The following RAI14 variants were observed in gnomAD, a reference collection of about 807,000 sequenced individuals.
RAI14 encodes the protein retinoic acid induced 14.
Under a neutral mutation model 115.4 loss-of-function variants are expected in RAI14, and 45 were observed. That is an observed-to-expected ratio of 0.39 (90% CI 0.31 to 0.50). The LOEUF (loss-of-function observed/expected upper bound fraction) is 0.50. Ranked by LOEUF, RAI14 falls within the 20% of genes least tolerant of loss-of-function variation. The probability of loss-of-function intolerance (pLI) is 0.85; values close to 1 mark genes in which losing one functional copy is unlikely to be tolerated. For missense variants in RAI14, 939 were observed against 1,131.2 expected (o/e 0.83, Z 2.44); for synonymous variants, 371 against 415.4 (o/e 0.89, Z 1.30).
At chr5:34,829,154 GACAC>G (rs1757762488) in intron 16 of RAI14, among the ~76,000 whole-genome samples, 2 of 135,490 alleles carry the variant, frequency 1.5e-5, no homozygotes, top group South Asian at 4.8e-4. Flanking sequence ...CACATATATA[GACAC>G]ACATACACAC....
Position 34,787,903 on chromosome 5 carries a change from T to TGA in RAI14, c.168-8036_168-8035insGA, listed in dbSNP as rs1479445796. Among the ~76,000 whole-genome samples the TGA allele has an allele frequency of 2.6e-5, 2 of 75,738 alleles. 1 individual carries two copies. The highest frequency in any genetic ancestry group is 1.2e-4 in the African/African-American group (2 of 16,140). 49.7% of individuals were successfully genotyped at this position (75,738 alleles called of 152,430 possible). A position where few individuals can be genotyped will look rare whatever the true frequency, so the allele number is the denominator to read the frequency against. ...ACCTGGATACTACTGATTTTTTTTT[T>TGA]TTTTTTTTTTTTTTTTTTTTTTTTT... On this transcript the variant is annotated intron_variant, in intron 3 of 17. Coordinates refer to ENST00000265109, the MANE Select transcript of RAI14 (RefSeq NM_015577.3).
At chr5:34,778,974 G>C (rs1751260685) in intron 3 of RAI14, among the ~76,000 whole-genome samples, 1 of 151,876 alleles carries the variant, frequency 6.6e-6, no homozygotes, top group African/African-American at 2.4e-5. Flanking sequence ...AAAATCCTCA[G>C]TAAAATACTG....
At chr5:34,780,894 T>G (rs1412058640) in intron 3 of RAI14, among the ~76,000 whole-genome samples, 5 of 152,128 alleles carry the variant, frequency 3.3e-5, no homozygotes, top group Non-Finnish European at 7.3e-5. Context: ...GAATATAAAT[T>G]ATGCTGCTAT....
At position 34,669,059 on chromosome 5, in the gene RAI14, G is replaced by A. The variant is rs548356132; in HGVS notation, c.-49+12584G>A. 2.0e-4 allele frequency among the ~76,000 whole-genome samples: 31 copies of A among 152,286 alleles called. No individual in the cohort carries two copies. In the South Asian group the frequency reaches 4.8e-3, roughly 23 times the overall value. On this transcript the variant is annotated intron_variant, in intron 1 of 17. Coordinates refer to ENST00000265109, the MANE Select transcript of RAI14 (RefSeq NM_015577.3). ...TTCAGTAGAGACGGGGTTTCACTAT[G>A]TTGGCCAGGATGGTCTTGATCTCCT...
intron 2 of RAI14, among the ~76,000 whole-genome samples, chr5:34,755,280 A>G (rs542417437): frequency 6.6e-6 from 1 of 152,192 alleles, no homozygotes; most frequent in Non-Finnish European, 1.5e-5. Context: ...TTGGTAACTA[A>G]AGACAAAAAT....
In RAI14 at chr5:34,803,702, A is replaced by C; in HGVS notation, c.257-10A>C. ...TTAAAAAAAATTATTATTTGAAAAA[A>C]TCCATTTAGGACACAGCGCCTTACA... On this transcript the variant is annotated splice_polypyrimidine_tract_variant and intron_variant, in intron 4 of 17. Coordinates refer to ENST00000265109, the MANE Select transcript of RAI14 (RefSeq NM_015577.3). 6.3e-7 allele frequency: 1 copy of C among 1,595,808 alleles called. No homozygotes were observed. Among genetic ancestry groups the C allele is most frequent in the Non-Finnish European group, 8.5e-7 (1 of 1,170,906 alleles).
rs183467706 is a variant in RAI14 at position 34,804,786 on chromosome 5, A to G, written c.321+1010A>G. Among the ~76,000 whole-genome samples the G allele has an allele frequency of 1.2e-3, 185 of 152,320 alleles. 1 individual carries two copies. Among genetic ancestry groups the G allele is most frequent in the African/African-American group, 3.1e-3 (127 of 41,582 alleles). ...AGACAACTAAAATAGAACTTTTCTT[A>G]CCTGCCTCTTCTGGGACCAGACACT... On this transcript the variant is annotated intron_variant, in intron 5 of 17. Transcript: ENST00000265109.
rs79504851 is a variant in RAI14 at position 34,707,811 on chromosome 5, C to T, written c.36+20856C>T. Among the ~76,000 whole-genome samples, 1,038 of 152,282 alleles carry T rather than the reference C, an allele frequency of 6.8e-3. 7 individuals carry two copies. Among genetic ancestry groups the T allele is most frequent in the African/African-American group, 0.024 (994 of 41,556 alleles). On this transcript the variant is annotated intron_variant, in intron 2 of 17. Coordinates refer to ENST00000265109, the MANE Select transcript of RAI14 (RefSeq NM_015577.3). ...TACTGTAAGTTATGATTATAATAAC[C>T]TTTCCTTGAAATAGACAGTTATTTT...
At chr5:34,660,013 A>G (rs1742571963) in intron 1 of RAI14, among the ~76,000 whole-genome samples, 3 of 151,954 alleles carry the variant, frequency 2.0e-5, no homozygotes. Context: ...CCTCATCTCT[A>G]CAAAAAATAC....
chr5:34,666,772 G>C (rs1272708872), intron 1 of RAI14, among the ~76,000 whole-genome samples: 2 of 152,174 alleles, frequency 1.3e-5, no homozygotes, highest in African/African-American at 4.8e-5. Flanking sequence ...TCTGCCATAG[G>C]CACTTTGCTG....
At chr5:34,818,584 T>G (rs973526688) in intron 12 of RAI14, among the ~76,000 whole-genome samples, 2 of 152,218 alleles carry the variant, frequency 1.3e-5, no homozygotes, top group Non-Finnish European at 2.9e-5. Flanking sequence ...CTCTGGAACT[T>G]CTAATGTTTT....
rs1744610423 is a variant in RAI14, at chr5:34,734,498, T to C, written c.37-22970T>C. ...AATAGAAGACATACCAAGGCTTTTA[T>C]CTCAGCCCCTAAAGACTTTTTAGTA... On this transcript the variant is annotated intron_variant, in intron 2 of 17. Transcript: ENST00000265109. 3.3e-5 allele frequency among the ~76,000 whole-genome samples: 5 copies of C among 152,288 alleles called. No homozygotes were observed. In the South Asian group the frequency reaches 1.0e-3, roughly 32 times the overall value.
chr5:34,725,962 C>CAAAAAAAAAAAAAAAA lies in RAI14; in HGVS notation c.37-31505_37-31490dup, dbSNP rs199657623. Reference sequence around the variant, plus strand: ...GGGCAACAGGAGCGAAACTGCTTCTCAAAAAAAAAAAAAAAAGCCACAAAT... The same window carrying CAAAAAAAAAAAAAAAA: ...GGGCAACAGGAGCGAAACTGCTTCTCAAAAAAAAAAAAAAAAAAAAAAAAAAAAAAAAGCCACAAAT... On this transcript the variant is annotated intron_variant, in intron 2 of 17. Transcript: ENST00000265109. 3.5e-5 allele frequency among the ~76,000 whole-genome samples: 4 copies of CAAAAAAAAAAAAAAAA among 113,744 alleles called. 1 individual carries two copies. The highest frequency in any genetic ancestry group is 3.8e-5 in the Non-Finnish European group (2 of 53,292). 74.6% of individuals were successfully genotyped at this position (113,744 alleles called of 152,430 possible).
intron 1 of RAI14, among the ~76,000 whole-genome samples, chr5:34,674,023 C>G (rs1743801872): frequency 6.6e-6 from 1 of 152,130 alleles, no homozygotes; most frequent in South Asian, 2.1e-4. Flanking sequence ...GGATCCACTA[C>G]TGGAGTACCA....
intron 4 of RAI14, 48 bp from the exon 5 acceptor site, chr5:34,803,664 A>C (rs1162933835): frequency 2.1e-6 from 3 of 1,453,398 alleles, no homozygotes; most frequent in Non-Finnish European, 2.8e-6. Flanking sequence ...ATTTTTTTTA[A>C]AGTGTGGCCT....
chr5:34,796,335 T>A (rs977506864), intron 4 of RAI14, among the ~76,000 whole-genome samples: 1 of 151,488 alleles, frequency 6.6e-6, no homozygotes, highest in African/African-American at 2.4e-5. Context: ...GAGGCGGAGG[T>A]TGCAGTGAGC....
intron 2 of RAI14, chr5:34,687,496 T>C: frequency 7.8e-7 from 1 of 1,288,024 alleles, no homozygotes; most frequent in Non-Finnish European, 1.0e-6. Context: ...CATAAAAGAC[T>C]CTGGATTGGA....
At chr5:34,756,400 C>T (rs2150088506) in intron 2 of RAI14, among the ~76,000 whole-genome samples, 1 of 152,234 alleles carries the variant, frequency 6.6e-6, no homozygotes, top group East Asian at 1.9e-4. Context: ...GAAGCAGAGT[C>T]TATAGAAAGC....
At position 34,762,619 on chromosome 5, in the gene RAI14, C is replaced by A. The variant is rs117247459; in HGVS notation, c.167+5021C>A. Among the ~76,000 whole-genome samples the A allele has an allele frequency of 3.3e-4, 50 of 152,184 alleles. No homozygotes were observed. In the East Asian group the frequency reaches 9.1e-3, roughly 28 times the overall value. ...GGTGGTGTCTTGGGTAGGAAGGGAA[C>A]AAAATAGAGCAGAGCCAAGAGTTAT... On this transcript the variant is annotated intron_variant, in intron 3 of 17. Coordinates refer to ENST00000265109, the MANE Select transcript of RAI14 (RefSeq NM_015577.3).
Sources: allele counts gnomAD v4.1 joint callset (sites outside exome capture counted in the v4.1 genomes callset), GRCh38; gene constraint gnomAD v4.1.1; transcripts MANE v1.5; gene names NCBI Gene and HGNC (gene_info 2026-07-23, HGNC 2026-07-21).